E4F1: variants seen among roughly 807,000 people sequenced by gnomAD.
The protein encoded by E4F1 is transcription factor E4F1.
E4F1 carries 30 observed loss-of-function variants against 72.9 expected under a neutral mutation model. That is an observed-to-expected ratio of 0.41 (90% CI 0.31 to 0.56). The LOEUF (loss-of-function observed/expected upper bound fraction) is 0.56. Among genes scored for constraint, E4F1 ranks in the 20% least tolerant of loss-of-function variants. The pLI, the probability that E4F1 is intolerant of heterozygous loss-of-function variation, is 0.25. For missense variants in E4F1, 1,091 were observed against 1,117.5 expected, an observed-to-expected ratio of 0.98 and a Z score of 0.34; for synonymous variants, 542 against 478.2, an observed-to-expected ratio of 1.13 and a Z score of -1.74.
At chr16:2,234,417 C>T (rs1291387138) in intron 10 of E4F1, 29 bp downstream of exon 10, 2 of 1,610,168 alleles carry the variant, frequency 1.2e-6, no homozygotes, top group African/African-American at 1.3e-5. Flanking sequence ...GACCCTGGCG[C>T]CTGATCCCCC....
In E4F1 at chr16:2,235,511, C is replaced by T. The variant is rs868750679; in HGVS notation, c.2294C>T (p.Ala765Val). The change falls in exon 14 of 14, where the codon GCA becomes GTA. Residue 765 changes from alanine to valine, a missense_variant. Physicochemically the swap from Ala to Val is moderately conservative, Grantham distance 64 (BLOSUM62 0). Coordinates refer to ENST00000301727, the MANE Select transcript of E4F1 (RefSeq NM_004424.5). ...SSEDIEILEH[A>V]GELVIASPEG... ...GAGGACATCGAGATCCTGGAGCATGCAGGCGAGCTGGTCATCGCCTCGCCG... is the reference window on the plus strand; with the variant it reads ...GAGGACATCGAGATCCTGGAGCATGTAGGCGAGCTGGTCATCGCCTCGCCG... 1 of 1,608,528 alleles carries T rather than the reference C, an allele frequency of 6.2e-7. No individual in the cohort carries two copies. The highest frequency in any genetic ancestry group is 8.5e-7 in the Non-Finnish European group (1 of 1,176,908).
rs765717108 is a variant in E4F1 at position 2,235,472 on chromosome 16, CCAT to C, written c.2256_2258del (p.Met753del). The C allele has an allele frequency of 3.7e-6, 6 of 1,612,474 alleles. No homozygotes were observed. The South Asian group carries it at 6.6e-5, about 18-fold the overall frequency. On this transcript the variant is annotated inframe_deletion, in exon 14 of 14. Transcript: ENST00000301727. ...AGTGGCACTGAACAGGCCACTGTGA[CCAT>C]GGTGTCATCAGAGGACATCGAGATC...
chr16:2,223,636 G>T lies in E4F1; in HGVS notation c.23G>T (p.Arg8Leu). 1 of 1,590,056 alleles carries T rather than the reference G, an allele frequency of 6.3e-7. No individual in the cohort carries two copies. The stretch of plus-strand genomic sequence containing the variant: ...GACATGGAGGGCGCGATGGCAGTGC[G>T]GGTGACGGCCGCTCATACGGCAGAA... MEGAMAVRVTAAHTAEAQ... is the reference protein window; with the variant it reads MEGAMAVLVTAAHTAEAQ... The change falls in exon 1 of 14, where the codon CGG (arginine) becomes CTG (leucine). Residue 8 changes from arginine to leucine, a missense_variant. By Grantham distance (102) the Arg-to-Leu change is moderately radical. Coordinates refer to ENST00000301727, the MANE Select transcript of E4F1 (RefSeq NM_004424.5).
Position 2,232,265 on chromosome 16 carries a change from G to C in E4F1, c.510G>C (p.Gly170=). 2 of 1,612,412 alleles carry C rather than the reference G, an allele frequency of 1.2e-6. No homozygotes were observed. The highest frequency in any genetic ancestry group is 2.2e-5 in the South Asian group (2 of 91,028). ...AEAPGSPRQQ[G]LGLAGEGEQA... is the part of the protein sequence containing the mutation. ...CCCCGGGCAGCCCCCGCCAGCAGGG[G>C]CTGGGGCTCGCAGGGGAGGGTGAGC... The change falls in exon 4 of 14, where the codon GGG becomes GGC. Residue 170 remains glycine (G), a synonymous_variant. Transcript: ENST00000301727.
Position 2,234,280 on chromosome 16 carries a change from C to T in E4F1, c.1485C>T (p.Asp495=). 6.2e-7 allele frequency: 1 copy of T among 1,612,994 alleles called. No homozygotes were observed. The highest frequency in any genetic ancestry group is 1.1e-5 in the South Asian group (1 of 91,090). The change falls in exon 10 of 14, where the codon GAC becomes GAT. Residue 495 remains aspartate, a synonymous_variant. Transcript: ENST00000301727. Reference sequence around the variant, plus strand: ...GTGAGCGCCGCTTCCGCTGTGGCGACTGCGGGAAGCTCTACAAGACCATTG... The same window carrying T: ...GTGAGCGCCGCTTCCGCTGTGGCGATTGCGGGAAGCTCTACAAGACCATTG... The part of the protein sequence containing the change: ...HVRERRFRCG[D]CGKLYKTIAH...
Position 2,223,746 on chromosome 16 carries a change from C to G in E4F1, c.133C>G (p.Leu45Val). The change falls in exon 1 of 14, where the codon CTC becomes GTC. Residue 45 changes from leucine (L) to valine (V), a missense_variant. Physicochemically the swap from Leu to Val is conservative, Grantham distance 32. This residue lies in a region of E4F1 where 362 missense variants were observed against 358.6 expected (regional missense o/e 1.01). Transcript: ENST00000301727. ...AALAPSGFLG[L>V]PAPFSEEDED... Reference sequence around the variant, plus strand: ...CTTGGCCCCCAGCGGCTTCCTCGGCCTCCCGGCGCCCTTCAGCGAGGAAGG... The same window carrying G: ...CTTGGCCCCCAGCGGCTTCCTCGGCGTCCCGGCGCCCTTCAGCGAGGAAGG... 2 of 1,532,788 alleles carry G rather than the reference C, an allele frequency of 1.3e-6. No individual in the cohort carries two copies. Among genetic ancestry groups the G allele is most frequent in the Non-Finnish European group, 1.7e-6 (2 of 1,151,280 alleles). The allele number at this position is 1,532,788 out of a possible 1,614,324, so 94.9% of individuals were successfully genotyped here. A position where few individuals can be genotyped will look rare whatever the true frequency, so the allele number is the denominator to read the frequency against.
rs1477206001 is a variant in E4F1 at position 2,228,726 on chromosome 16, A to G, written c.309+203A>G. On this transcript the variant is annotated intron_variant, in intron 2 of 13. Coordinates refer to ENST00000301727, the MANE Select transcript of E4F1 (RefSeq NM_004424.5). Reference sequence around the variant, plus strand: ...CGTCCTGGAGGGCCTGCGGTGGCCCAGCCTTCTTGGCAGCCTCTGGTCGAA... The same window carrying G: ...CGTCCTGGAGGGCCTGCGGTGGCCCGGCCTTCTTGGCAGCCTCTGGTCGAA... Among the ~76,000 whole-genome samples, 3 of 152,326 alleles carry G rather than the reference A, an allele frequency of 2.0e-5. No homozygotes were observed. In the East Asian group the frequency reaches 5.8e-4, roughly 29 times the overall value.
intron 3 of E4F1, chr16:2,230,607 TG>T: frequency 6.6e-6 from 1 of 152,298 alleles, no homozygotes; most frequent in Non-Finnish European, 1.5e-5. Flanking sequence ...TGGGCAGCCC[TG>T]GGGACTGGCT....
intron 2 of E4F1, among the ~76,000 whole-genome samples, chr16:2,229,313 G>T (rs1596759377): frequency 6.6e-6 from 1 of 152,260 alleles, no homozygotes; most frequent in Admixed American, 6.5e-5. Context: ...CTGTGCTCCA[G>T]GTCCAGCCCA....
At position 2,235,257 on chromosome 16, in the gene E4F1, C is replaced by T. The variant is rs766333148; in HGVS notation, c.2040C>T (p.His680=). 1 of 1,610,902 alleles carries T rather than the reference C, an allele frequency of 6.2e-7. No homozygotes were observed. The highest frequency in any genetic ancestry group is 8.5e-7 in the Non-Finnish European group (1 of 1,179,644). The part of the protein sequence containing the change: ...HIMKVVQQIV[H]QASAGHQIIV... ...TGAAGGTGGTGCAGCAGATCGTGCACCAGGCTAGCGCCGGCCACCAGATCA... is the reference window on the plus strand; with the variant it reads ...TGAAGGTGGTGCAGCAGATCGTGCATCAGGCTAGCGCCGGCCACCAGATCA... The change falls in exon 14 of 14, where the codon CAC becomes CAT. Residue 680 remains histidine (H), a synonymous_variant. Coordinates refer to ENST00000301727, the MANE Select transcript of E4F1 (RefSeq NM_004424.5).
chr16:2,224,062 C>A (rs1045325440), intron 1 of E4F1: 1 of 1,082,068 alleles, frequency 9.2e-7, no homozygotes, highest in Non-Finnish European at 1.2e-6. Context: ...GCCGGCGTCC[C>A]GGCCCTTCTC....
Position 2,232,898 on chromosome 16 carries a change from C to T in E4F1, c.873C>T (p.Asp291=), listed in dbSNP as rs543875333. Residue 291 remains aspartate (D), a synonymous_variant, in exon 6 of 14, where the codon GAC becomes GAT. Coordinates refer to ENST00000301727, the MANE Select transcript of E4F1 (RefSeq NM_004424.5). ...VSKDVVVSKE[D]ARAGSGAGAA... ...AGGACGTGGTTGTCAGCAAAGAGGA[C>T]GCACGTGCAGGTCAGCATGGTGCGG... 1.7e-4 allele frequency: 273 copies of T among 1,613,340 alleles called. No homozygotes were observed. The highest frequency in any genetic ancestry group is 8.8e-4 in the Admixed American group (53 of 60,016).
chr16:2,231,492 A>G (rs2093467479), intron 3 of E4F1: 1 of 152,392 alleles, frequency 6.6e-6, no homozygotes, highest in African/African-American at 2.4e-5. Flanking sequence ...GTGGTTTCTA[A>G]GCAGTGGCTT....
rs1198594971 is a variant in E4F1 at position 2,234,917 on chromosome 16, C to T, written c.1851C>T (p.Ala617=). Residue 617 remains alanine (A), a synonymous_variant, in exon 12 of 14, where the codon GCC becomes GCT. Transcript: ENST00000301727. The stretch of plus-strand genomic sequence containing the variant: ...TGTCTGAGGACAGCCCCGCGGCAGC[C>T]ACCACCGTCCTCACGGAAGACCCGC... ...LLVSEDSPAA[A]TTVLTEDPHT... The T allele has an allele frequency of 1.3e-6, 2 of 1,556,216 alleles. No individual in the cohort carries two copies. The highest frequency in any genetic ancestry group is 1.7e-6 in the Non-Finnish European group (2 of 1,150,020).
At chr16:2,224,007 G>C (rs985171466) in intron 1 of E4F1, 1 of 1,444,128 alleles carries the variant, frequency 6.9e-7, no homozygotes, top group East Asian at 2.7e-5. Context: ...ACAAGTGCTC[G>C]CGGGTTGCTG....
In E4F1 at chr16:2,228,457, C is replaced by T. The variant is rs1376188265; in HGVS notation, c.243C>T (p.Ala81=). The change falls in exon 2 of 14, where the codon GCC becomes GCT. Residue 81 remains alanine (A), a synonymous_variant. Transcript: ENST00000301727. ...TTGTTCAGCACAAGATTCAGAAGGC[C>T]TGCCAGCGGGCCCCTCCGGAGGCCC... is the stretch of plus-strand genomic sequence containing the variant. The part of the protein sequence containing the change: ...EDFVQHKIQK[A]CQRAPPEALP... 3.7e-6 allele frequency: 6 copies of T among 1,613,374 alleles called. No homozygotes were observed. Among genetic ancestry groups the T allele is most frequent in the Non-Finnish European group, 5.1e-6 (6 of 1,179,996 alleles).
chr16:2,234,609 A>C lies in E4F1; in HGVS notation c.1620A>C (p.Thr540=). 6.2e-7 allele frequency: 1 copy of C among 1,600,068 alleles called. No individual in the cohort carries two copies. Among genetic ancestry groups the C allele is most frequent in the Non-Finnish European group, 8.5e-7 (1 of 1,173,920 alleles). The change falls in exon 11 of 14, where the codon ACA becomes ACC. Residue 540 remains threonine, a synonymous_variant. Transcript: ENST00000301727. ...TKNAQQVHFR[T]HLEEKPHVCQ... is the part of the protein sequence containing the mutation. ...ACGCACAGCAGGTGCACTTCAGGAC[A>C]CACCTGGAGGAGAAGCCGCACGTGT...
intron 3 of E4F1, chr16:2,229,901 C>T: frequency 1.9e-6 from 1 of 533,330 alleles, no homozygotes; most frequent in South Asian, 2.0e-5. Flanking sequence ...ACCCAGGCAC[C>T]AGGGAGTCAT....
At chr16:2,232,013 G>C (rs1329585883) in intron 3 of E4F1, 158 bp from the exon 4 acceptor site, 1 of 857,334 alleles carries the variant, frequency 1.2e-6, no homozygotes, top group Non-Finnish European at 1.8e-6. Context: ...AGGTGAATGG[G>C]ACCTTGGCTG....
Sources: gnomAD v4.1 joint callset for allele counts (sites outside exome capture counted in the v4.1 genomes callset) on GRCh38, gnomAD v4.1.1 for gene constraint, gnomAD v4.1.1 regional missense constraint, MANE v1.5 for transcripts, NCBI Gene and HGNC (gene_info 2026-07-23, HGNC 2026-07-21) for gene names.